The following GORAB variants were observed in gnomAD, a reference collection of about 807,000 sequenced individuals.
GORAB encodes golgin, RAB6 interacting.
A neutral mutation model predicts 29.9 loss-of-function variants in GORAB; 17 were observed. That is an observed-to-expected ratio of 0.57 (90% CI 0.39 to 0.85). The LOEUF is 0.85. GORAB is among the 40% of genes least tolerant of loss of function. The pLI is 0.00. For missense variants in GORAB, 442 were observed against 437.8 expected (o/e 1.01, Z -0.09); for synonymous variants, 183 against 157.2 (o/e 1.16, Z -1.23).
At chr1:170,540,321 T>C (rs2101822167) in intron 2 of GORAB, among the ~76,000 whole-genome samples, 1 of 152,340 alleles carries the variant, frequency 6.6e-6, no homozygotes, top group Admixed American at 6.5e-5. Context: ...ATTCTTAGAA[T>C]TTTTTATTTG....
At position 170,539,593 on chromosome 1, in the gene GORAB, A is replaced by T. The variant is rs1446403581; in HGVS notation, c.419+26A>T. On this transcript the variant is annotated intron_variant, in intron 2 of 4. Transcript: ENST00000367763. ...GTTAGTAAGTCTATGTGAAAAGTCC[A>T]TGAGACTTTTCATTTAACCCGTTTT... The T allele has an allele frequency of 1.9e-6, 3 of 1,607,736 alleles. No individual in the cohort carries two copies. In the Middle Eastern group the frequency reaches 5.0e-4, roughly 266 times the overall value.
At chr1:170,550,251 C>CT (rs1384052477) in intron 4 of GORAB, among the ~76,000 whole-genome samples, 3 of 152,128 alleles carry the variant, frequency 2.0e-5, no homozygotes, top group East Asian at 1.9e-4. Flanking sequence ...TGGCCTGACA[C>CT]TAAGAGTTCT....
rs201410218 is a variant in GORAB at position 170,552,003 on chromosome 1, A to G, written c.663-12A>G. ...AAAACTGATGGACCTATCTTTATAC[A>G]CATCCTTACAGGAAGCGGTTTGACA... On this transcript the variant is annotated splice_polypyrimidine_tract_variant and intron_variant, in intron 4 of 4. Transcript: ENST00000367763. The G allele has an allele frequency of 2.0e-4, 319 of 1,610,500 alleles. 2 individuals carry two copies. In the East Asian group the frequency reaches 5.8e-3, roughly 29 times the overall value.
chr1:170,541,969 A>AC (rs1649454442), intron 2 of GORAB, among the ~76,000 whole-genome samples: 1 of 152,136 alleles, frequency 6.6e-6, no homozygotes, highest in South Asian at 2.1e-4. Context: ...AAAAAGAAAG[A>AC]CAAAAAAAAG....
At position 170,553,216 on chromosome 1, in the gene GORAB, T is replaced by C. The variant is rs1199846478; in HGVS notation, c.*754T>C. 4.6e-6 allele frequency: 2 copies of C among 435,264 alleles called. No individual in the cohort carries two copies. Among genetic ancestry groups the C allele is most frequent in the East Asian group, 7.0e-5 (1 of 14,266 alleles). 27.0% of individuals were successfully genotyped at this position (435,264 alleles called of 1,614,324 possible). On this transcript the variant is annotated 3_prime_UTR_variant, in exon 5 of 5. Coordinates refer to ENST00000367763, the MANE Select transcript of GORAB (RefSeq NM_152281.3). ...TTCTAAAGTGAGACTGAAAATAATA[T>C]AGAAAATCTCATTGCTACTTGTGAT...
chr1:170,532,347 G>A, intron 1 of GORAB, 63 bp downstream of exon 1: 1 of 1,564,632 alleles, frequency 6.4e-7, no homozygotes, highest in Non-Finnish European at 8.8e-7. Flanking sequence ...CGGGGATGCA[G>A]CTTTGGCGGG....
chr1:170,545,029 G>C (rs1410566151), intron 4 of GORAB, 184 bp downstream of exon 4: 1 of 1,323,586 alleles, frequency 7.6e-7, no homozygotes, highest in African/African-American at 1.5e-5. Flanking sequence ...CCTTAACTCT[G>C]CCCTACTAGT....
At chr1:170,545,098 T>C (rs1011054350) in intron 4 of GORAB, 6 of 1,139,326 alleles carry the variant, frequency 5.3e-6, no homozygotes, top group Non-Finnish European at 5.4e-6. Flanking sequence ...GTTTTAGTCT[T>C]TGCTGCGAAA....
At chr1:170,547,356 C>T (rs764449028) in intron 4 of GORAB, among the ~76,000 whole-genome samples, 2 of 152,048 alleles carry the variant, frequency 1.3e-5, no homozygotes, top group African/African-American at 2.4e-5. Context: ...TGGATAGACA[C>T]CTCTGAGAAG....
At position 170,544,763 on chromosome 1, in the gene GORAB, G is replaced by T. The variant is rs767921831; in HGVS notation, c.580G>T (p.Ala194Ser). ...KLKRIQKELQ[A>S]LDDMVSADIG... ...AAAGCGGATCCAGAAGGAGTTGCAG[G>T]CTTTAGATGACATGGTGTCAGCTGA... The change falls in exon 4 of 5, where the codon GCT (alanine) becomes TCT (serine). Residue 194 changes from alanine (A) to serine (S), a missense_variant. Transcript: ENST00000367763. 1.2e-6 allele frequency: 2 copies of T among 1,614,014 alleles called. No individual in the cohort carries two copies. Among genetic ancestry groups the T allele is most frequent in the South Asian group, 2.2e-5 (2 of 91,084 alleles).
In GORAB at chr1:170,539,577, T is replaced by C. The variant is rs920179398; in HGVS notation, c.419+10T>C. ...AAAAGAAAGTGGAATTGTTAGTAAG[T>C]CTATGTGAAAAGTCCATGAGACTTT... is the stretch of plus-strand genomic sequence containing the variant. On this transcript the variant is annotated intron_variant, in intron 2 of 4. Coordinates refer to ENST00000367763, the MANE Select transcript of GORAB (RefSeq NM_152281.3). 6.2e-7 allele frequency: 1 copy of C among 1,613,490 alleles called. No individual in the cohort carries two copies. Among genetic ancestry groups the C allele is most frequent in the Admixed American group, 1.7e-5 (1 of 59,966 alleles).
chr1:170,553,743 A>T lies in GORAB; in HGVS notation c.*1281A>T. 2.2e-6 allele frequency: 1 copy of T among 452,456 alleles called. No homozygotes were observed. The highest frequency in any genetic ancestry group is 1.6e-5 in the South Asian group (1 of 63,718). The allele number at this position is 452,456 out of a possible 1,614,324, so 28.0% of individuals were successfully genotyped here. On this transcript the variant is annotated 3_prime_UTR_variant, in exon 5 of 5. Coordinates refer to ENST00000367763, the MANE Select transcript of GORAB (RefSeq NM_152281.3). Reference sequence around the variant, plus strand: ...TCTCTAAACAGAAGCATTTCTATAGATAGTTGTGCTTTTATTTATGAAATA... The same window carrying T: ...TCTCTAAACAGAAGCATTTCTATAGTTAGTTGTGCTTTTATTTATGAAATA...
chr1:170,543,252 C>G (rs1180057111), intron 3 of GORAB, among the ~76,000 whole-genome samples: 1 of 152,222 alleles, frequency 6.6e-6, no homozygotes, highest in Non-Finnish European at 1.5e-5. Context: ...CCCCACCACT[C>G]TTGCTGAGTT....
At chr1:170,545,024 A>G (rs1649670499) in intron 4 of GORAB, 179 bp downstream of exon 4, 5 of 1,330,724 alleles carry the variant, frequency 3.8e-6, no homozygotes, top group Non-Finnish European at 4.8e-6. Flanking sequence ...GTCTTCCTTA[A>G]CTCTGCCCTA....
At chr1:170,549,651 G>GTATGTTA (rs2101832181) in intron 4 of GORAB, among the ~76,000 whole-genome samples, 1 of 152,248 alleles carries the variant, frequency 6.6e-6, no homozygotes, top group South Asian at 2.1e-4. Flanking sequence ...CATGAACAGG[G>GTATGTTA]TATGTTATAA....
intron 1 of GORAB, among the ~76,000 whole-genome samples, chr1:170,533,846 T>C (rs998791110): frequency 1.3e-5 from 2 of 152,310 alleles, no homozygotes; most frequent in East Asian, 1.9e-4. Flanking sequence ...CCTCCTTGTA[T>C]ACCCGTAGCT....
At position 170,547,448 on chromosome 1, in the gene GORAB, G is replaced by A. The variant is rs61826202; in HGVS notation, c.662+2603G>A. ...TACTGCTGCTACTGCTGCTACTGCTGCTACTGCTACTACTGCTACTGTTCA... is the reference window on the plus strand; with the variant it reads ...TACTGCTGCTACTGCTGCTACTGCTACTACTGCTACTACTGCTACTGTTCA... On this transcript the variant is annotated intron_variant, in intron 4 of 4. Coordinates refer to ENST00000367763, the MANE Select transcript of GORAB (RefSeq NM_152281.3). 4.2e-3 allele frequency among the ~76,000 whole-genome samples: 205 copies of A among 49,112 alleles called. 1 individual carries two copies. Among genetic ancestry groups the A allele is most frequent in the Non-Finnish European group, 8.5e-3 (157 of 18,508 alleles). The allele number at this position is 49,112 out of a possible 152,430, so 32.2% of individuals were successfully genotyped here. A position where few individuals can be genotyped will look rare whatever the true frequency, so the allele number is the denominator to read the frequency against.
intron 4 of GORAB, among the ~76,000 whole-genome samples, chr1:170,550,684 T>C (rs1650049888): frequency 6.6e-6 from 1 of 152,228 alleles, no homozygotes. Context: ...TTAGGAGATA[T>C]ACCTGTTTCT....
chr1:170,545,491 A>G, intron 4 of GORAB: 4 of 984,054 alleles, frequency 4.1e-6, no homozygotes, highest in Non-Finnish European at 4.8e-6. Context: ...TTTTAAAATG[A>G]ACTAACACAT....
Sources: allele counts gnomAD v4.1 joint callset (sites outside exome capture counted in the v4.1 genomes callset), GRCh38; gene constraint gnomAD v4.1.1; transcripts MANE v1.5; gene names NCBI Gene and HGNC (gene_info 2026-07-23, HGNC 2026-07-21).